ABCB5: variants seen among roughly 807,000 people sequenced by gnomAD.
ABCB5 encodes ATP-binding cassette sub-family B member 5.
A neutral mutation model predicts 144.2 loss-of-function variants in ABCB5; 155 were observed. The observed-to-expected ratio is 1.08, with a 90% CI of 0.94 to 1.23. ABCB5 has a LOEUF of 1.23. Among genes scored for constraint, ABCB5 ranks in the 50% most tolerant of loss-of-function variants. The pLI is 0.00. For synonymous variants in ABCB5, 610 were observed against 528.6 expected (o/e 1.15, Z -2.11); for missense variants, 1,830 against 1,520.8 (o/e 1.20, Z -3.38).
chr7:20,691,176 T>C (rs1786213688), intron 16 of ABCB5, among the ~76,000 whole-genome samples: 2 of 114,106 alleles, frequency 1.8e-5, no homozygotes, highest in African/African-American at 9.4e-5. Flanking sequence ...GACTTTTTTT[T>C]TTTTTTTTTT....
At chr7:20,656,058 A>C (rs1448918491) in intron 13 of ABCB5, among the ~76,000 whole-genome samples, 1 of 151,836 alleles carries the variant, frequency 6.6e-6, no homozygotes, top group Non-Finnish European at 1.5e-5. Context: ...TCTTTTCAAC[A>C]AATGGTGCTG....
At chr7:20,681,004 TTC>T (rs771276676) in intron 14 of ABCB5, among the ~76,000 whole-genome samples, 1 of 3,918 alleles carries the variant, frequency 2.6e-4, no homozygotes, top group African/African-American at 1.3e-3. Flanking sequence ...CTTTCTTTCT[TTC>T]TTTCTTTCTT....
intron 20 of ABCB5, among the ~76,000 whole-genome samples, chr7:20,710,239 C>T (rs1175045660): frequency 2.1e-5 from 3 of 144,866 alleles, no homozygotes; most frequent in South Asian, 4.5e-4. Flanking sequence ...TGGTGGGGGG[C>T]ATCTATAATC....
At chr7:20,749,194 C>A (rs992780809) in intron 26 of ABCB5, among the ~76,000 whole-genome samples, 2 of 132,308 alleles carry the variant, frequency 1.5e-5, no homozygotes, top group Admixed American at 8.2e-5. Context: ...CTTCCTTCCT[C>A]CCTTCCCCTC....
chr7:20,680,754 A>G (rs1307295618), intron 14 of ABCB5, among the ~76,000 whole-genome samples: 1 of 152,138 alleles, frequency 6.6e-6, no homozygotes, highest in African/African-American at 2.4e-5. Flanking sequence ...AAAGTTAAAA[A>G]TATATATTAC....
In ABCB5 at chr7:20,643,641, G is replaced by T; in HGVS notation, c.678+9G>T. 6.2e-7 allele frequency: 1 copy of T among 1,613,470 alleles called. No homozygotes were observed. Among genetic ancestry groups the T allele is most frequent in the Non-Finnish European group, 8.5e-7 (1 of 1,179,634 alleles). On this transcript the variant is annotated intron_variant, in intron 7 of 27. Coordinates refer to ENST00000404938, the MANE Select transcript of ABCB5 (RefSeq NM_001163941.2). ...CGGCAGCATGTTCTAGGGTAAGTGAGATGGCTAATGCAATATTGAATGGAA... is the reference window on the plus strand; with the variant it reads ...CGGCAGCATGTTCTAGGGTAAGTGATATGGCTAATGCAATATTGAATGGAA...
At chr7:20,726,957 G>A in intron 21 of ABCB5, 83 bp from the exon 22 acceptor site, 1 of 884,250 alleles carries the variant, frequency 1.1e-6, no homozygotes, top group Non-Finnish European at 1.7e-6. Context: ...TATGTCCCCA[G>A]TGTGAGTGAC....
At chr7:20,695,167 T>C (rs886711236) in intron 16 of ABCB5, among the ~76,000 whole-genome samples, 7 of 151,996 alleles carry the variant, frequency 4.6e-5, no homozygotes, top group Admixed American at 1.3e-4. Flanking sequence ...AATTCTCATT[T>C]CAATTACCTA....
In ABCB5 at chr7:20,645,852, T is replaced by G. The variant is rs1335712487; in HGVS notation, c.775T>G (p.Phe259Val). ...GTCATCAATCCGAACAGTCATAGCC[T>G]TTAGGGCCCAGGAGAAAGAACTTCA... ...VLSSIRTVIA[F>V]RAQEKELQRY... is the part of the protein sequence containing the mutation. Residue 259 changes from phenylalanine to valine, a missense_variant, in exon 8 of 28, where the codon TTT becomes GTT. By Grantham distance (50) the Phe-to-Val change is conservative. Transcript: ENST00000404938. The G allele has an allele frequency of 1.2e-6, 2 of 1,613,774 alleles. No individual in the cohort carries two copies. The highest frequency in any genetic ancestry group is 2.2e-5 in the South Asian group (2 of 91,030).
chr7:20,677,769 G>A (rs1304248024), intron 14 of ABCB5, among the ~76,000 whole-genome samples: 2 of 152,076 alleles, frequency 1.3e-5, no homozygotes, highest in African/African-American at 4.8e-5. Flanking sequence ...AGTACCCTTT[G>A]CCCCTCTTTC....
intron 23 of ABCB5, among the ~76,000 whole-genome samples, chr7:20,731,369 A>AAAATAT (rs57305244): frequency 2.7e-4 from 33 of 123,074 alleles, no homozygotes; most frequent in African/African-American, 8.2e-4. Flanking sequence ...AAAAAAAAAA[A>AAAATAT]ATATATATAT....
intron 20 of ABCB5, among the ~76,000 whole-genome samples, chr7:20,719,213 T>C (rs577205123): frequency 6.6e-6 from 1 of 152,150 alleles, no homozygotes; most frequent in African/African-American, 2.4e-5. Flanking sequence ...AATTCTGTCT[T>C]TCCAGGTAAA....
Position 20,658,547 on chromosome 7 carries a change from T to C in ABCB5, c.1578T>C (p.Ser526=), listed in dbSNP as rs199799182. 1.2e-5 allele frequency: 19 copies of C among 1,614,072 alleles called. No homozygotes were observed. In the East Asian group the frequency reaches 3.8e-4, roughly 32 times the overall value. Residue 526 remains serine, a synonymous_variant, in exon 14 of 28, where the codon AGT becomes AGC. Coordinates refer to ENST00000404938, the MANE Select transcript of ABCB5 (RefSeq NM_001163941.2). ...TAGGGGAAAAAGGAGCTCAAATGAG[T>C]GGAGGGCAGAAACAGAGGATCGCAA... ...TLVGEKGAQM[S]GGQKQRIAIA...
chr7:20,720,922 C>T (rs576149148), intron 20 of ABCB5, among the ~76,000 whole-genome samples: 72 of 111,488 alleles, frequency 6.5e-4, no homozygotes, highest in Admixed American at 2.1e-3. Context: ...CCAGCCTGGG[C>T]GACAGAGCGA....
chr7:20,728,998 A>G (rs1168040132), intron 23 of ABCB5, among the ~76,000 whole-genome samples: 1 of 152,190 alleles, frequency 6.6e-6, no homozygotes, highest in Non-Finnish European at 1.5e-5. Context: ...TGATATATTC[A>G]TATGATGTTT....
chr7:20,665,895 C>T (rs951997846), intron 14 of ABCB5, among the ~76,000 whole-genome samples: 2 of 149,768 alleles, frequency 1.3e-5, no homozygotes, highest in Non-Finnish European at 1.5e-5. Flanking sequence ...TTGGGCCGGG[C>T]CTGGTGGCTC....
At position 20,683,486 on chromosome 7, in the gene ABCB5, T is replaced by G. The variant is rs78036476; in HGVS notation, c.1869+1820T>G. 2.1e-3 allele frequency among the ~76,000 whole-genome samples: 327 copies of G among 152,314 alleles called. 7 individuals carry two copies. In the South Asian group the frequency reaches 0.046, roughly 22 times the overall value. ...TTTTTAAACACTATTAATACTAGTA[T>G]AGTCAGATCTTTCTTTGGAGTAGTA... On this transcript the variant is annotated intron_variant, in intron 15 of 27. Transcript: ENST00000404938.
intron 3 of ABCB5, among the ~76,000 whole-genome samples, chr7:20,627,753 A>G (rs1783941539): frequency 1.3e-5 from 2 of 152,172 alleles, no homozygotes; most frequent in African/African-American, 2.4e-5. Flanking sequence ...AATAATCACA[A>G]ATATAATTCA....
chr7:20,650,326 G>T (rs12674033), intron 12 of ABCB5, among the ~76,000 whole-genome samples, 179 bp downstream of exon 12: 13,338 of 152,218 alleles, frequency 0.088, 649 homozygotes, highest in East Asian at 0.16. Flanking sequence ...CTATGTGTCA[G>T]GCACTGTTTT....
Sources: gnomAD v4.1 joint callset for allele counts (sites outside exome capture counted in the v4.1 genomes callset) on GRCh38, gnomAD v4.1.1 for gene constraint, MANE v1.5 for transcripts, NCBI Gene and HGNC (gene_info 2026-07-23, HGNC 2026-07-21) for gene names.